Variants in ACSM3 observed in about 807,000 individuals in gnomAD.
ACSM3 encodes the protein acyl-CoA synthetase medium chain family member 3.
ACSM3 carries 61 observed loss-of-function variants against 74.1 expected under a neutral mutation model. The ratio of observed to expected loss-of-function variants is 0.82; its 90% confidence interval spans 0.67 to 1.02. The LOEUF (loss-of-function observed/expected upper bound fraction) is 1.02. ACSM3 is among the 50% of genes least tolerant of loss of function. The pLI, the probability that ACSM3 is intolerant of heterozygous loss-of-function variation, is 0.00. For missense variants in ACSM3, 660 were observed against 697.0 expected, an observed-to-expected ratio of 0.95 and a Z score of 0.60; for synonymous variants, 213 against 241.5, an observed-to-expected ratio of 0.88 and a Z score of 1.09.
intron 1 of ACSM3, among the ~76,000 whole-genome samples, chr16:20,686,822 G>T (rs1387208446): frequency 1.3e-5 from 2 of 148,478 alleles, no homozygotes; most frequent in African/African-American, 4.9e-5. Flanking sequence ...AAAAAAAAAA[G>T]TTTAACTATG....
At chr16:20,682,071 C>T in intron 1 of ACSM3, 1 of 574,346 alleles carries the variant, frequency 1.7e-6, no homozygotes, top group Non-Finnish European at 3.1e-6. Context: ...CCCTCTCACC[C>T]CATGAAATGC....
intron 1 of ACSM3, chr16:20,738,640 C>A: frequency 2.3e-6 from 1 of 436,428 alleles, no homozygotes; most frequent in Non-Finnish European, 4.1e-6. Flanking sequence ...CTTATTTACA[C>A]AGAACTGGCA....
At chr16:20,772,618 C>G (rs1411801234) in intron 2 of ACSM3, among the ~76,000 whole-genome samples, 1 of 152,092 alleles carries the variant, frequency 6.6e-6, no homozygotes, top group Non-Finnish European at 1.5e-5. Context: ...AAGAGGATAT[C>G]CTTTCCTCAG....
chr16:20,759,209 A>G (rs2080055937), upstream of ACSM3, among the ~76,000 whole-genome samples: 1 of 152,162 alleles, frequency 6.6e-6, no homozygotes, highest in African/African-American at 2.4e-5. Flanking sequence ...AGGTTGAGTT[A>G]ATTACCAATG....
At chr16:20,776,465 C>T (rs527983206) in intron 3 of ACSM3, among the ~76,000 whole-genome samples, 7 of 152,274 alleles carry the variant, frequency 4.6e-5, no homozygotes, top group African/African-American at 1.7e-4. Context: ...AAGAGTAAAA[C>T]CTATTGTGAA....
intron 1 of ACSM3, among the ~76,000 whole-genome samples, chr16:20,726,619 T>A (rs1422490523): frequency 2.0e-5 from 3 of 152,226 alleles, no homozygotes; most frequent in Admixed American, 6.5e-5. Context: ...TGTTCTAGGC[T>A]TTCTCACCTG....
At chr16:20,680,760 C>T (rs1271198620) in intron 1 of ACSM3, 2 of 152,254 alleles carry the variant, frequency 1.3e-5, no homozygotes, top group Admixed American at 1.3e-4. Context: ...TATCTCCATT[C>T]TCTACCCTAA....
In ACSM3 at chr16:20,796,107, C is replaced by T. The variant is rs145627996; in HGVS notation, c.1555-263C>T. The T allele has an allele frequency of 2.2e-3, 813 of 364,592 alleles. 8 individuals are homozygous for T. Among genetic ancestry groups the T allele is most frequent in the Middle Eastern group, 0.02 (25 of 1,262 alleles). The allele number at this position is 364,592 out of a possible 1,614,324, so 22.6% of individuals were successfully genotyped here. On this transcript the variant is annotated intron_variant, in intron 12 of 13. Transcript: ENST00000289416. Reference sequence around the variant, plus strand: ...TTCAACAAAGACATGGCAAACTCAGCGTGACTACTGTTTATAAGTAATCCC... The same window carrying T: ...TTCAACAAAGACATGGCAAACTCAGTGTGACTACTGTTTATAAGTAATCCC...
intron 1 of ACSM3, among the ~76,000 whole-genome samples, chr16:20,705,753 C>G (rs1203180646): frequency 1.3e-5 from 2 of 151,906 alleles, no homozygotes; most frequent in Non-Finnish European, 2.9e-5. Context: ...AAAAGAACAT[C>G]AATGAAGAAA....
intron 1 of ACSM3, chr16:20,737,994 G>C (rs1319322418): frequency 1.3e-6 from 2 of 1,554,566 alleles, no homozygotes; most frequent in Non-Finnish European, 1.7e-6. Context: ...TAATTTCTCA[G>C]ACATCTTAAA....
intron 1 of ACSM3, among the ~76,000 whole-genome samples, chr16:20,765,431 T>A (rs1215334895): frequency 6.6e-6 from 1 of 152,174 alleles, no homozygotes; most frequent in Non-Finnish European, 1.5e-5. Flanking sequence ...AAATGACTGA[T>A]CAATTTTCTT....
At chr16:20,779,666 C>T (rs1347443506) in intron 4 of ACSM3, 1 of 152,436 alleles carries the variant, frequency 6.6e-6, no homozygotes, top group East Asian at 1.9e-4. Flanking sequence ...TCTTTCTTCC[C>T]TGGATGGATG....
At chr16:20,796,195 A>G in intron 12 of ACSM3, 175 bp from the exon 13 acceptor site, 1 of 1,118,230 alleles carries the variant, frequency 8.9e-7, no homozygotes, top group Non-Finnish European at 1.2e-6. Flanking sequence ...GCTCTCCTGT[A>G]TTAGGTACAG....
In ACSM3 at chr16:20,700,619, A is replaced by C. The variant is rs137977947; in HGVS notation, c.-190+25797A>C. 5.3e-5 allele frequency among the ~76,000 whole-genome samples: 8 copies of C among 151,964 alleles called. No individual in the cohort carries two copies. The East Asian group carries it at 1.6e-3, about 30-fold the overall frequency. On this transcript the variant is annotated intron_variant, in intron 1 of 3. Transcript: ENST00000561584. ...TATGATAAAGTGTGAGGTCAGAGACACAAGCAGGAGACATGCCATTAAGGA... is the reference window on the plus strand; with the variant it reads ...TATGATAAAGTGTGAGGTCAGAGACCCAAGCAGGAGACATGCCATTAAGGA...
At chr16:20,738,308 T>TAAA in intron 1 of ACSM3, 3 of 325,824 alleles carry the variant, frequency 9.2e-6, no homozygotes, top group Non-Finnish European at 1.8e-5. Flanking sequence ...CACACTTTTT[T>TAAA]ACAAAAAAAA....
chr16:20,734,094 G>A (rs1183192654), intron 1 of ACSM3: 1 of 150,446 alleles, frequency 6.6e-6, no homozygotes, highest in East Asian at 2.0e-4. Flanking sequence ...TGTAACAACC[G>A]ATTCTTACCA....
intron 2 of ACSM3, among the ~76,000 whole-genome samples, chr16:20,752,419 T>C (rs2079996114): frequency 6.6e-6 from 1 of 152,238 alleles, no homozygotes; most frequent in Admixed American, 6.5e-5. Context: ...GTTTTTCTTG[T>C]GGTTGTCTCA....
At chr16:20,741,630 C>G in intron 1 of ACSM3, 1 of 1,573,610 alleles carries the variant, frequency 6.4e-7, no homozygotes, top group Non-Finnish European at 8.6e-7. Context: ...CTCTAGCTGA[C>G]GGGGCCCGCC....
chr16:20,718,331 G>T, intron 1 of ACSM3: 2 of 811,918 alleles, frequency 2.5e-6, no homozygotes, highest in Non-Finnish European at 3.4e-6. Context: ...CCATCTTGGG[G>T]TCCATCCATA....
Sources: allele counts gnomAD v4.1 joint callset (sites outside exome capture counted in the v4.1 genomes callset), GRCh38; gene constraint gnomAD v4.1.1; transcripts MANE v1.5; gene names NCBI Gene and HGNC (gene_info 2026-07-23, HGNC 2026-07-21).